COL12A1: variants seen among roughly 807,000 people sequenced by gnomAD.
COL12A1 encodes collagen type XII alpha 1 chain.
COL12A1 carries 114 observed loss-of-function variants against 349.7 expected under a neutral mutation model. The observed-to-expected ratio is 0.33, with a 90% CI of 0.28 to 0.38. The LOEUF (loss-of-function observed/expected upper bound fraction) is 0.38, where lower values mean the gene tolerates loss of function less well. Ranked by LOEUF, COL12A1 falls within the 10% of genes least tolerant of loss-of-function variation. The pLI, the probability that COL12A1 is intolerant of heterozygous loss-of-function variation, is 1.00. For synonymous variants in COL12A1, 1,369 were observed against 1,329.0 expected, an observed-to-expected ratio of 1.03 and a Z score of -0.66; for missense variants, 3,284 against 3,756.9, an observed-to-expected ratio of 0.87 and a Z score of 3.29.
rs557878299 is a variant in COL12A1, at chr6:75,118,287, GA to G, written c.7355-742del. ...AAGATCAGCAAGAACAACCTCTATT[GA>G]AAAAAAGACAGTATGACTTAGCACT... On this transcript the variant is annotated intron_variant, in intron 46 of 65. Coordinates refer to ENST00000322507, the MANE Select transcript of COL12A1 (RefSeq NM_004370.6). Among the ~76,000 whole-genome samples the G allele has an allele frequency of 7.2e-5, 11 of 151,924 alleles. No homozygotes were observed. The South Asian group carries it at 2.3e-3, about 32-fold the overall frequency.
chr6:75,149,413 A>G (rs941458471), intron 21 of COL12A1, among the ~76,000 whole-genome samples: 15 of 152,218 alleles, frequency 9.9e-5, no homozygotes, highest in African/African-American at 3.6e-4. Flanking sequence ...TTGCATAACA[A>G]AGGAAGCTGA....
chr6:75,192,180 A>T, intron 4 of COL12A1, 32 bp downstream of exon 4: 2 of 1,417,526 alleles, frequency 1.4e-6, no homozygotes, highest in Non-Finnish European at 1.9e-6. Context: ...AATAAAAATT[A>T]TACAAATATT....
At chr6:75,195,086 T>A in intron 2 of COL12A1, 139 bp from the exon 3 acceptor site, 1 of 534,962 alleles carries the variant, frequency 1.9e-6, no homozygotes, top group Non-Finnish European at 3.2e-6. Context: ...AAAAGATATG[T>A]TGTTGGATAA....
At position 75,119,017 on chromosome 6, in the gene COL12A1, G is replaced by C. The variant is rs368771399; in HGVS notation, c.7354+26C>G. On this transcript the variant is annotated intron_variant, in intron 46 of 65. Transcript: ENST00000322507. ...ATTTAAAAATGTTAAAATTTCAAGT[G>C]CAATCAAATTCATGTATGTGCTTGC... 6 of 1,611,018 alleles carry C rather than the reference G, an allele frequency of 3.7e-6. No individual in the cohort carries two copies. The African/African-American group carries it at 8.0e-5, about 22-fold the overall frequency.
rs540583719 is a variant in COL12A1, at chr6:75,173,304, A to C, written c.2710+1734T>G. On this transcript the variant is annotated intron_variant, in intron 13 of 65. Coordinates refer to ENST00000322507, the MANE Select transcript of COL12A1 (RefSeq NM_004370.6). ...GTAAGTACTTTAAACACTGGTATTT[A>C]ATCTTTCATTTAAATCTTTTTCTAG... Among the ~76,000 whole-genome samples, 166 of 152,298 alleles carry C rather than the reference A, an allele frequency of 1.1e-3. 1 individual carries two copies. In the Middle Eastern group the frequency reaches 0.034, roughly 31 times the overall value.
Position 75,086,410 on chromosome 6 carries a change from G to A in COL12A1, c.*137C>T. The A allele has an allele frequency of 1.6e-6, 1 of 608,282 alleles. No homozygotes were observed. Among genetic ancestry groups the A allele is most frequent in the Non-Finnish European group, 2.7e-6 (1 of 364,166 alleles). The allele number at this position is 608,282 out of a possible 1,614,324, so 37.7% of individuals were successfully genotyped here. A position where few individuals can be genotyped will look rare whatever the true frequency, so the allele number is the denominator to read the frequency against. ...AGTCTCCACCCTCCTTTGTGATGTC[G>A]ACCCGGTTCGTTAACCATTATCTGT... is the stretch of plus-strand genomic sequence containing the variant. On this transcript the variant is annotated 3_prime_UTR_variant, in exon 66 of 66. Coordinates refer to ENST00000322507, the MANE Select transcript of COL12A1 (RefSeq NM_004370.6).
chr6:75,124,507 C>T (rs1765919057), intron 40 of COL12A1, 136 bp from the exon 41 acceptor site: 1 of 586,376 alleles, frequency 1.7e-6, no homozygotes, highest in African/African-American at 1.9e-5. Flanking sequence ...TTATAAGAAA[C>T]ATACATGAAT....
At chr6:75,163,454 T>C (rs759862122) in intron 14 of COL12A1, among the ~76,000 whole-genome samples, 4 of 151,624 alleles carry the variant, frequency 2.6e-5, no homozygotes, top group East Asian at 1.9e-4. Context: ...TAAGTGGGAG[T>C]TGAACAATAA....
chr6:75,096,244 G>A (rs1028782243), intron 59 of COL12A1, among the ~76,000 whole-genome samples: 1 of 152,126 alleles, frequency 6.6e-6, no homozygotes, highest in Non-Finnish European at 1.5e-5. Flanking sequence ...CATTAATTAT[G>A]CAAATGTTAA....
intron 25 of COL12A1, among the ~76,000 whole-genome samples, chr6:75,143,999 A>C (rs1562214424): frequency 6.6e-6 from 1 of 152,062 alleles, no homozygotes; most frequent in Non-Finnish European, 1.5e-5. Context: ...GATGTATTTC[A>C]CTCTTTCCAG....
chr6:75,124,132 C>G (rs1236904522), intron 41 of COL12A1, 38 bp from the exon 42 acceptor site: 18 of 1,598,884 alleles, frequency 1.1e-5, no homozygotes, highest in Non-Finnish European at 1.7e-6. Flanking sequence ...AGTGTCATCA[C>G]CAATTATATT....
intron 58 of COL12A1, 113 bp from the exon 59 acceptor site, chr6:75,097,419 T>C (rs1201611445): frequency 2.9e-6 from 2 of 701,222 alleles, no homozygotes; most frequent in Admixed American, 2.5e-5. Context: ...TAGCCCAACA[T>C]GCTGTTTGGG....
In COL12A1 at chr6:75,147,714, C is replaced by T; in HGVS notation, c.4378G>A (p.Asp1460Asn). 6.2e-7 allele frequency: 1 copy of T among 1,613,270 alleles called. No homozygotes were observed. Among genetic ancestry groups the T allele is most frequent in the Admixed American group, 1.7e-5 (1 of 59,956 alleles). Residue 1460 changes from aspartate (D) to asparagine (N), a missense_variant, in exon 23 of 66, where the codon GAT becomes AAT. Coordinates refer to ENST00000322507, the MANE Select transcript of COL12A1 (RefSeq NM_004370.6). ...YVVNVYSVVE[D>N]EYSEPLKGTE... ...CCCTTCAGAGGCTCACTATATTCAT[C>T]TTCTACCACAGAATACACATTGACA... is the stretch of plus-strand genomic sequence containing the variant.
intron 52 of COL12A1, 112 bp downstream of exon 52, chr6:75,108,906 C>T: frequency 8.4e-7 from 1 of 1,196,160 alleles, no homozygotes; most frequent in Non-Finnish European, 1.2e-6. Flanking sequence ...AATTTGACAA[C>T]TTAAAACTCA....
chr6:75,110,880 G>A (rs1768805787), intron 51 of COL12A1, among the ~76,000 whole-genome samples: 2 of 151,920 alleles, frequency 1.3e-5, no homozygotes, highest in South Asian at 4.1e-4. Context: ...CCTTGGCTCA[G>A]TAAAAAAATG....
intron 31 of COL12A1, among the ~76,000 whole-genome samples, chr6:75,136,077 T>C (rs942132580): frequency 1.3e-5 from 2 of 152,144 alleles, no homozygotes; most frequent in Non-Finnish European, 2.9e-5. Flanking sequence ...CTCTTTATGA[T>C]AGCAAACAGC....
chr6:75,161,049 G>T (rs374402257), intron 14 of COL12A1, among the ~76,000 whole-genome samples: 1 of 152,020 alleles, frequency 6.6e-6, no homozygotes, highest in African/African-American at 2.4e-5. Context: ...AGCTCAGGGC[G>T]AAAGGGAGAA....
chr6:75,108,886 C>A, intron 52 of COL12A1, 132 bp downstream of exon 52: 1 of 936,150 alleles, frequency 1.1e-6, no homozygotes, highest in Non-Finnish European at 1.6e-6. Flanking sequence ...ATGTTTTGAT[C>A]TGACCAAGAA....
chr6:75,128,981 C>G lies in COL12A1; in HGVS notation c.6211-556G>C, dbSNP rs573972253. ...CTACCTCTTCGAAGAGGAAATGAAC[C>G]AGACATCTCAATCTCTCTTCTAAAC... On this transcript the variant is annotated intron_variant, in intron 37 of 65. Transcript: ENST00000322507. Among the ~76,000 whole-genome samples the G allele has an allele frequency of 3.9e-5, 6 of 152,328 alleles. No homozygotes were observed. In the East Asian group the frequency reaches 1.2e-3, roughly 29 times the overall value.
Sources: allele counts gnomAD v4.1 joint callset (sites outside exome capture counted in the v4.1 genomes callset), GRCh38; gene constraint gnomAD v4.1.1; transcripts MANE v1.5; gene names NCBI Gene and HGNC (gene_info 2026-07-23, HGNC 2026-07-21).